SMC6: variants seen among roughly 807,000 people sequenced by gnomAD.
The protein encoded by SMC6 is structural maintenance of chromosomes protein 6.
Under a neutral mutation model 142.2 loss-of-function variants are expected in SMC6, and 79 were observed. The ratio of observed to expected loss-of-function variants is 0.56; its 90% CI spans 0.46 to 0.67. SMC6 has a LOEUF of 0.67. Ranked by LOEUF, SMC6 falls within the 30% of genes least tolerant of loss-of-function variation. SMC6 has a pLI of 0.00. For missense variants in SMC6, 1,072 were observed against 1,284.0 expected (o/e 0.83, Z 2.52); for synonymous variants, 411 against 412.4 (o/e 1.00, Z 0.04).
In SMC6 at chr2:17,707,329, A is replaced by G. The variant is rs766468920; in HGVS notation, c.1896T>C (p.Asn632=). 40 of 1,602,320 alleles carry G rather than the reference A, an allele frequency of 2.5e-5. 3 individuals are homozygous for G. In the Admixed American group the frequency reaches 4.6e-4, roughly 19 times the overall value. ...CATCAGCAGTAAAAGCTTCTCTACA[A>G]TTTTTGGGTGGCTTTTGGGACTGCA... is the stretch of plus-strand genomic sequence containing the variant. ...AVMQSQKPPK[N]CREAFTADGD... The change falls in exon 18 of 28, where the codon AAT becomes AAC. Residue 632 remains asparagine, a synonymous_variant. Transcript: ENST00000448223.
chr2:17,732,584 A>T (rs1669962468), intron 5 of SMC6, among the ~76,000 whole-genome samples: 1 of 152,024 alleles, frequency 6.6e-6, no homozygotes, highest in African/African-American at 2.4e-5. Context: ...CTGTAATCCC[A>T]GCTACTCGGG....
intron 16 of SMC6, 40 bp downstream of exon 16, chr2:17,714,821 T>C (rs1668999487): frequency 1.3e-6 from 2 of 1,591,846 alleles, no homozygotes. Context: ...TGCATATGAT[T>C]AAGCAAAGCC....
chr2:17,731,020 C>T (rs1037436051), intron 7 of SMC6, 58 bp downstream of exon 7: 86 of 1,344,246 alleles, frequency 6.4e-5, no homozygotes, highest in Admixed American at 8.8e-5. Flanking sequence ...CAAGTGAAAT[C>T]GCACTAAAAA....
At chr2:17,718,331 G>A in intron 11 of SMC6, 108 bp from the exon 12 acceptor site, 1 of 635,190 alleles carries the variant, frequency 1.6e-6, no homozygotes, top group Non-Finnish European at 2.4e-6. Context: ...CTTCACTCAA[G>A]ACATCAGGCA....
At chr2:17,721,661 G>A (rs1465291194) in intron 9 of SMC6, among the ~76,000 whole-genome samples, 1 of 151,222 alleles carries the variant, frequency 6.6e-6, no homozygotes, top group Admixed American at 6.6e-5. Flanking sequence ...ATTTATTTCT[G>A]AAAATCAAAC....
chr2:17,724,446 CA>C (rs1669520853), intron 9 of SMC6, among the ~76,000 whole-genome samples: 1 of 152,050 alleles, frequency 6.6e-6, no homozygotes, highest in Admixed American at 6.6e-5. Context: ...AATCCTGCCT[CA>C]AAAGGACAAG....
intron 5 of SMC6, among the ~76,000 whole-genome samples, chr2:17,737,163 G>A (rs893862432): frequency 6.6e-6 from 1 of 151,766 alleles, no homozygotes; most frequent in South Asian, 2.1e-4. Context: ...CCTTTTTTTT[G>A]AGTCAATTTG....
chr2:17,689,766 CTA>C (rs1572269310), intron 23 of SMC6, among the ~76,000 whole-genome samples: 1 of 152,304 alleles, frequency 6.6e-6, no homozygotes, highest in East Asian at 1.9e-4. Context: ...TAAATCATCT[CTA>C]GAGATTACTT....
intron 26 of SMC6, 72 bp from the exon 27 acceptor site, chr2:17,666,589 G>T: frequency 9.6e-7 from 1 of 1,037,404 alleles, no homozygotes; most frequent in Non-Finnish European, 1.5e-6. Context: ...CATTCTGTGG[G>T]CTGATACAAG....
intron 5 of SMC6, among the ~76,000 whole-genome samples, chr2:17,735,040 A>C (rs1001948945): frequency 1.3e-5 from 2 of 152,052 alleles, no homozygotes; most frequent in Non-Finnish European, 2.9e-5. Flanking sequence ...CTGCTATATG[A>C]ATCTAATAAA....
intron 3 of SMC6, among the ~76,000 whole-genome samples, chr2:17,744,493 GA>G (rs1572364562): frequency 6.6e-6 from 1 of 152,076 alleles, no homozygotes; most frequent in Non-Finnish European, 1.5e-5. Flanking sequence ...TGTAGATAAT[GA>G]ACAAATGGAT....
intron 23 of SMC6, among the ~76,000 whole-genome samples, chr2:17,691,956 T>C (rs1027067091): frequency 2.6e-5 from 4 of 152,170 alleles, no homozygotes; most frequent in Non-Finnish European, 5.9e-5. Context: ...CCATTCACAA[T>C]TGCTTCAAAG....
chr2:17,706,509 AT>A (rs57029043), intron 18 of SMC6, among the ~76,000 whole-genome samples: 1,976 of 132,904 alleles, frequency 0.015, 22 homozygotes, highest in African/African-American at 0.039. Flanking sequence ...GTCATTTATA[AT>A]TCTTTTTTTT....
chr2:17,683,105 G>A (rs1667305646), intron 24 of SMC6, among the ~76,000 whole-genome samples: 1 of 152,040 alleles, frequency 6.6e-6, no homozygotes, highest in African/African-American at 2.4e-5. Flanking sequence ...ATCTATCTCT[G>A]TGAGTCTGTA....
At chr2:17,684,362 T>A (rs1352114157) in intron 23 of SMC6, among the ~76,000 whole-genome samples, 1 of 151,998 alleles carries the variant, frequency 6.6e-6, no homozygotes, top group African/African-American at 2.4e-5. Context: ...CCAGGAAAAT[T>A]CAACTAATTA....
intron 23 of SMC6, among the ~76,000 whole-genome samples, chr2:17,685,617 A>C (rs1201763693): frequency 6.6e-6 from 1 of 152,136 alleles, no homozygotes; most frequent in Non-Finnish European, 1.5e-5. Context: ...AATAAATCAC[A>C]GATATACAAA....
At chr2:17,691,316 GTGTGTGTGTGTGTGTGTCTC>G (rs1667709471) in intron 23 of SMC6, among the ~76,000 whole-genome samples, 1 of 96,626 alleles carries the variant, frequency 1.0e-5, no homozygotes, top group African/African-American at 5.5e-5. Context: ...GTATTCTGGT[GTGTGTGTGTGTGTGTGTCTC>G]TGTGTGTGTG....
chr2:17,681,429 C>G (rs1402429976), intron 24 of SMC6: 2 of 152,290 alleles, frequency 1.3e-5, no homozygotes, highest in African/African-American at 4.8e-5. Flanking sequence ...AGAGGTCTAG[C>G]TTTTGGCTTA....
intron 5 of SMC6, among the ~76,000 whole-genome samples, chr2:17,737,476 G>A (rs1010989399): frequency 6.6e-6 from 1 of 152,216 alleles, no homozygotes; most frequent in South Asian, 2.1e-4. Flanking sequence ...TCCCTTCAGA[G>A]GTATCTGGGG....
Sources: allele counts gnomAD v4.1 joint callset (sites outside exome capture counted in the v4.1 genomes callset), GRCh38; gene constraint gnomAD v4.1.1; transcripts MANE v1.5; gene names NCBI Gene and HGNC (gene_info 2026-07-23, HGNC 2026-07-21).